The following RAI2 variants were observed in gnomAD, a reference collection of about 807,000 sequenced individuals.
RAI2 encodes the protein retinoic acid induced 2.
Under a neutral mutation model 15.3 loss-of-function variants are expected in RAI2, and 5 were observed. The ratio of observed to expected loss-of-function variants is 0.33; its 90% CI spans 0.17 to 0.69. RAI2 has a LOEUF of 0.69. Ranked by LOEUF, RAI2 falls within the 30% of genes least tolerant of loss-of-function variation. The pLI is 0.69. For missense variants in RAI2, 424 were observed against 424.7 expected (o/e 1.00, Z 0.01); for synonymous variants, 191 against 184.0 (o/e 1.04, Z -0.31).
chrX:17,812,203 T>G (rs1392003718), intron 1 of RAI2, among the ~76,000 whole-genome samples: 1 of 111,105 alleles, frequency 9.0e-6, no homozygotes, highest in Admixed American at 9.5e-5. Context: ...ACCGGCCATA[T>G]TTCTTGTGAG....
intron 1 of RAI2, among the ~76,000 whole-genome samples, chrX:17,855,275 A>G (rs2067587349): frequency 8.9e-6 from 1 of 111,797 alleles, no homozygotes; most frequent in Non-Finnish European, 1.9e-5. Context: ...CACTGTCAGC[A>G]TGAGGGTGTC....
chrX:17,853,666 A>T (rs758471409), intron 1 of RAI2, among the ~76,000 whole-genome samples: 2 of 108,480 alleles, frequency 1.8e-5, no homozygotes, highest in East Asian at 2.9e-4. Context: ...TTTAACATTC[A>T]TTTTTTTTTT....
chrX:17,836,839 G>A (rs1297898315), intron 1 of RAI2, among the ~76,000 whole-genome samples: 1 of 112,416 alleles, frequency 8.9e-6, no homozygotes, highest in Non-Finnish European at 1.9e-5. Context: ...AGTGCATACA[G>A]TGTATGTAAA....
chrX:17,806,634 G>A (rs1362841463), intron 1 of RAI2, among the ~76,000 whole-genome samples: 1 of 111,607 alleles, frequency 9.0e-6, no homozygotes, highest in African/African-American at 3.3e-5. Flanking sequence ...GAGGTAGGGA[G>A]GGACTGGGAG....
intron 1 of RAI2, among the ~76,000 whole-genome samples, chrX:17,853,773 G>C (rs1399710752): frequency 3.6e-5 from 4 of 111,103 alleles, no homozygotes; most frequent in Non-Finnish European, 7.5e-5. Context: ...AAATGAAATA[G>C]GTTCTCCATC....
rs1277759569 is a variant in RAI2 at position 17,832,560 on chromosome X, G to C, written c.-25+28538C>G. On this transcript the variant is annotated intron_variant, in intron 1 of 1. Transcript: ENST00000451717. ...GCAATAATGGTTACTTTATTTCCCA[G>C]ATTCAGAAAATGGGCAGGTGTCAGA... Among the ~76,000 whole-genome samples, 5 of 111,976 alleles carry C rather than the reference G, an allele frequency of 4.5e-5. No individual in the cohort carries two copies. The Admixed American group carries it at 4.7e-4, about 11-fold the overall frequency.
At chrX:17,819,364 T>C (rs1360666941) in intron 1 of RAI2, among the ~76,000 whole-genome samples, 1 of 112,647 alleles carries the variant, frequency 8.9e-6, no homozygotes, top group East Asian at 2.8e-4. Flanking sequence ...GGTGAGGCTA[T>C]GGTGCAAGTG....
intron 1 of RAI2, among the ~76,000 whole-genome samples, chrX:17,802,698 C>T (rs1054244230): frequency 1.8e-5 from 2 of 111,672 alleles, no homozygotes; most frequent in Non-Finnish European, 3.8e-5. Flanking sequence ...TCCACTGTCA[C>T]TTCCCCAATC....
intron 1 of RAI2, among the ~76,000 whole-genome samples, chrX:17,847,578 T>C (rs2067478406): frequency 8.9e-6 from 1 of 112,493 alleles, no homozygotes; most frequent in African/African-American, 3.2e-5. Flanking sequence ...GTAGTTGAAG[T>C]GAAAGCACAT....
chrX:17,804,677 A>G (rs926505353), intron 1 of RAI2, among the ~76,000 whole-genome samples: 3 of 112,379 alleles, frequency 2.7e-5, no homozygotes, highest in Non-Finnish European at 5.6e-5. Flanking sequence ...CAGCTTTCTC[A>G]TAACAGCTGC....
chrX:17,856,669 G>C (rs1199536203), intron 1 of RAI2, among the ~76,000 whole-genome samples: 1 of 112,821 alleles, frequency 8.9e-6, no homozygotes, highest in East Asian at 2.8e-4. Flanking sequence ...AGGCCAGCAA[G>C]TATGATCATG....
At chrX:17,817,612 C>T (rs937155386) in intron 1 of RAI2, among the ~76,000 whole-genome samples, 3 of 112,553 alleles carry the variant, frequency 2.7e-5, no homozygotes, top group Non-Finnish European at 5.6e-5. Context: ...TCAGGTGGCC[C>T]TCACCCATGT....
In RAI2 at chrX:17,830,337, A is replaced by G. The variant is rs145324230; in HGVS notation, c.-24-28303T>C. On this transcript the variant is annotated intron_variant, in intron 1 of 1. Transcript: ENST00000451717. ...ATTCTCTGAACAACTGTGACATTCCATAGCATTCACATCTGAGAACGTGTT... is the reference window on the plus strand; with the variant it reads ...ATTCTCTGAACAACTGTGACATTCCGTAGCATTCACATCTGAGAACGTGTT... Among the ~76,000 whole-genome samples the G allele has an allele frequency of 1.8e-3, 204 of 112,529 alleles. 1 individual carries two copies. The highest frequency in any genetic ancestry group is 6.1e-3 in the African/African-American group (190 of 31,000).
intron 1 of RAI2, among the ~76,000 whole-genome samples, chrX:17,827,462 C>T (rs1293265813): frequency 8.9e-6 from 1 of 112,400 alleles, no homozygotes; most frequent in Non-Finnish European, 1.9e-5. Context: ...TGTGTATACA[C>T]AGTGCCAGGT....
chrX:17,820,084 G>A (rs1321689449), intron 1 of RAI2, among the ~76,000 whole-genome samples: 1 of 112,169 alleles, frequency 8.9e-6, no homozygotes, highest in Admixed American at 9.4e-5. Context: ...GTGGAGAGGG[G>A]AGCTGCAGTG....
chrX:17,851,787 G>A (rs1157603366), intron 1 of RAI2, among the ~76,000 whole-genome samples: 1 of 111,889 alleles, frequency 8.9e-6, no homozygotes, highest in Non-Finnish European at 1.9e-5. Flanking sequence ...CTATAAATAA[G>A]TGTCTCAGAA....
intron 1 of RAI2, among the ~76,000 whole-genome samples, chrX:17,807,744 C>T (rs2066998296): frequency 8.9e-6 from 1 of 111,973 alleles, no homozygotes; most frequent in Non-Finnish European, 1.9e-5. Flanking sequence ...CCGCAACCAA[C>T]AAATAGGTGG....
intron 1 of RAI2, among the ~76,000 whole-genome samples, chrX:17,830,468 A>T (rs2067269408): frequency 9.0e-6 from 1 of 111,039 alleles, no homozygotes; most frequent in South Asian, 3.8e-4. Context: ...CTAACCTTCA[A>T]ATGACACTCC....
At chrX:17,821,830 C>A (rs1007243957) in intron 1 of RAI2, among the ~76,000 whole-genome samples, 1 of 110,805 alleles carries the variant, frequency 9.0e-6, no homozygotes, top group African/African-American at 3.3e-5. Context: ...TGTGTTGACC[C>A]TCTGGGCCCT....
Sources: gnomAD v4.1 joint callset for allele counts (sites outside exome capture counted in the v4.1 genomes callset) on GRCh38, gnomAD v4.1.1 for gene constraint, MANE v1.5 for transcripts, NCBI Gene and HGNC (gene_info 2026-07-23, HGNC 2026-07-21) for gene names.